UTRN: variants seen among roughly 807,000 people sequenced by gnomAD.
UTRN encodes utrophin.
In UTRN, 283 loss-of-function variants were observed where a neutral mutation model predicts 463.9. That is an observed-to-expected ratio of 0.61 (90% CI 0.55 to 0.67). UTRN has a LOEUF of 0.67. UTRN is among the 30% of genes least tolerant of loss of function. The pLI is 0.00. For synonymous variants in UTRN, 1,442 were observed against 1,431.5 expected, an observed-to-expected ratio of 1.01 and a Z score of -0.17; for missense variants, 3,922 against 4,084.3, an observed-to-expected ratio of 0.96 and a Z score of 1.08.
At position 144,474,676 on chromosome 6, in the gene UTRN, A is replaced by T. The variant is rs371680090; in HGVS notation, c.3253A>T (p.Ser1085Cys). The T allele has an allele frequency of 1.6e-5, 26 of 1,613,982 alleles. No homozygotes were observed. The highest frequency in any genetic ancestry group is 2.2e-5 in the Non-Finnish European group (26 of 1,179,982). The change falls in exon 25 of 75, where the codon AGT (serine) becomes TGT (cysteine). Residue 1085 changes from serine (S) to cysteine (C), a missense_variant. Around this residue, in one of 3 missense-constraint regions of UTRN, gnomAD observed 2,349 missense variants for 2,303.8 expected, o/e 1.02. Coordinates refer to ENST00000367545, the MANE Select transcript of UTRN (RefSeq NM_007124.3). ...GAAGGAAATAGAGACTAATCTTCGA[A>T]GTGGTCCAGTTGCTGGAATAAAAAC... The part of the protein sequence containing the change: ...NMKEIETNLR[S>C]GPVAGIKTWV...
chr6:144,752,273 C>G (rs2128723817), intron 56 of UTRN, among the ~76,000 whole-genome samples: 1 of 151,960 alleles, frequency 6.6e-6, no homozygotes, highest in South Asian at 2.1e-4. Flanking sequence ...ATAAAGGAGT[C>G]ATTTTTCTTA....
At chr6:144,604,712 GA>G (rs1804646031) in intron 51 of UTRN, among the ~76,000 whole-genome samples, 4 of 151,992 alleles carry the variant, frequency 2.6e-5, no homozygotes, top group Admixed American at 2.0e-4. Flanking sequence ...TCAGGAGTTC[GA>G]GACCAGCCTG....
intron 9 of UTRN, among the ~76,000 whole-genome samples, 168 bp from the exon 10 acceptor site, chr6:144,435,767 A>C (rs2114887307): frequency 6.6e-6 from 1 of 152,284 alleles, no homozygotes; most frequent in South Asian, 2.1e-4. Context: ...TAGTGCACTT[A>C]CTCAATGCTT....
intron 2 of UTRN, among the ~76,000 whole-genome samples, chr6:144,379,455 C>G (rs997905918): frequency 6.6e-6 from 1 of 152,168 alleles, no homozygotes; most frequent in Non-Finnish European, 1.5e-5. Flanking sequence ...CAGTTCCCTG[C>G]TGGTTCTCGG....
chr6:144,767,592 C>A (rs922792033), intron 58 of UTRN, among the ~76,000 whole-genome samples: 1 of 151,954 alleles, frequency 6.6e-6, no homozygotes, highest in African/African-American at 2.4e-5. Context: ...ATATTGTCAC[C>A]CAAGTCATAG....
intron 53 of UTRN, among the ~76,000 whole-genome samples, chr6:144,717,857 G>C (rs1034921713): frequency 3.3e-5 from 5 of 151,374 alleles, no homozygotes; most frequent in African/African-American, 9.7e-5. Flanking sequence ...GGCTGGTCTC[G>C]AACTCCTGAC....
chr6:144,591,154 T>C (rs1803025282), intron 51 of UTRN, among the ~76,000 whole-genome samples: 1 of 152,156 alleles, frequency 6.6e-6, no homozygotes, highest in Non-Finnish European at 1.5e-5. Flanking sequence ...CCTTACATCT[T>C]AACAAGGATG....
intron 51 of UTRN, among the ~76,000 whole-genome samples, chr6:144,589,423 CA>C (rs968636654): frequency 2.0e-5 from 3 of 152,004 alleles, no homozygotes; most frequent in Admixed American, 2.0e-4. Flanking sequence ...ATTTGTTTTG[CA>C]AGTCAGCAAG....
intron 2 of UTRN, among the ~76,000 whole-genome samples, chr6:144,304,857 TA>T (rs1805569570): frequency 6.6e-6 from 1 of 151,888 alleles, no homozygotes; most frequent in Non-Finnish European, 1.5e-5. Flanking sequence ...GTATTCAATC[TA>T]AAAAAATGTA....
At chr6:144,850,903 T>C (rs1466880759) in intron 74 of UTRN, 86 bp from the exon 75 acceptor site, 2 of 1,577,872 alleles carry the variant, frequency 1.3e-6, no homozygotes, top group Non-Finnish European at 1.7e-6. Flanking sequence ...AAAGAAGCAC[T>C]TTTATTTTCT....
intron 45 of UTRN, among the ~76,000 whole-genome samples, chr6:144,541,090 G>A (rs1475185251): frequency 6.6e-6 from 1 of 152,142 alleles, no homozygotes; most frequent in Non-Finnish European, 1.5e-5. Context: ...TTGTTATTCT[G>A]TTCTAGACAA....
chr6:144,318,503 G>A (rs1352127443), intron 2 of UTRN, among the ~76,000 whole-genome samples: 5 of 151,876 alleles, frequency 3.3e-5, no homozygotes, highest in Admixed American at 6.6e-5. Context: ...TCGCTCTATC[G>A]CCCAGGCTGG....
At chr6:144,396,371 G>A (rs1201174880) in intron 2 of UTRN, among the ~76,000 whole-genome samples, 4 of 152,158 alleles carry the variant, frequency 2.6e-5, no homozygotes, top group Non-Finnish European at 5.9e-5. Flanking sequence ...CCAGGGGCTG[G>A]TGGGTATGGG....
chr6:144,452,364 A>G (rs1788410097), intron 18 of UTRN, among the ~76,000 whole-genome samples: 1 of 152,130 alleles, frequency 6.6e-6, no homozygotes, highest in African/African-American at 2.4e-5. Flanking sequence ...TCTTCTCTGG[A>G]TTGTCTGGTT....
chr6:144,715,028 G>A (rs182238523), intron 53 of UTRN, among the ~76,000 whole-genome samples: 199 of 152,150 alleles, frequency 1.3e-3, no homozygotes, highest in African/African-American at 4.6e-3. Flanking sequence ...CACCTTCTCT[G>A]TATTCACTCC....
chr6:144,523,040 C>G lies in UTRN; in HGVS notation c.5758C>G (p.Leu1920Val), dbSNP rs1250584066. Residue 1920 changes from leucine to valine, a missense_variant, in exon 41 of 75, where the codon CTT becomes GTT. This residue lies in a region of UTRN where 2,349 missense variants were observed against 2,303.8 expected (regional missense o/e 1.02). Coordinates refer to ENST00000367545, the MANE Select transcript of UTRN (RefSeq NM_007124.3). Reference protein sequence around the residue: ...LKNIKDQLDKLGEQIAVIHEK... With the variant: ...LKNIKDQLDKVGEQIAVIHEK... ...GAATATCAAAGACCAACTGGACAAACTTGGAGAGCAGATTGCAGTCATTCA... is the reference window on the plus strand; with the variant it reads ...GAATATCAAAGACCAACTGGACAAAGTTGGAGAGCAGATTGCAGTCATTCA... 1 of 1,609,012 alleles carries G rather than the reference C, an allele frequency of 6.2e-7. No individual in the cohort carries two copies. The highest frequency in any genetic ancestry group is 1.7e-5 in the Admixed American group (1 of 58,880).
chr6:144,657,626 C>CT (rs776716001), intron 51 of UTRN, among the ~76,000 whole-genome samples: 1 of 152,200 alleles, frequency 6.6e-6, no homozygotes, highest in Non-Finnish European at 1.5e-5. Context: ...ATGTGGGACT[C>CT]TAACAATAAC....
intron 51 of UTRN, among the ~76,000 whole-genome samples, chr6:144,604,736 A>C (rs1025894726): frequency 1.3e-5 from 2 of 152,096 alleles, no homozygotes; most frequent in Admixed American, 1.3e-4. Context: ...CAACATGGTG[A>C]AACCCGATCT....
At position 144,444,349 on chromosome 6, in the gene UTRN, C is replaced by G. The variant is rs570174248; in HGVS notation, c.1581C>G (p.Ile527Met). ...TEERWNRLQE[I>M]NILWQELLEE... Reference sequence around the variant, plus strand: ...AACGCTGGAATAGGTTACAAGAAATCAATATATTGTGGCAGGAATTATTGG... The same window carrying G: ...AACGCTGGAATAGGTTACAAGAAATGAATATATTGTGGCAGGAATTATTGG... Residue 527 changes from isoleucine to methionine, a missense_variant, in exon 14 of 75, where the codon ATC becomes ATG. Physicochemically the swap from Ile to Met is conservative, Grantham distance 10. Coordinates refer to ENST00000367545, the MANE Select transcript of UTRN (RefSeq NM_007124.3). 6.2e-7 allele frequency: 1 copy of G among 1,610,142 alleles called. No homozygotes were observed. Among genetic ancestry groups the G allele is most frequent in the South Asian group, 1.1e-5 (1 of 90,650 alleles).
Sources: allele counts gnomAD v4.1 joint callset (sites outside exome capture counted in the v4.1 genomes callset), GRCh38; gene constraint gnomAD v4.1.1; regional missense constraint gnomAD v4.1.1; transcripts MANE v1.5; gene names NCBI Gene and HGNC (gene_info 2026-07-23, HGNC 2026-07-21).